MEIS2: variants seen among roughly 807,000 people sequenced by gnomAD.
MEIS2 encodes the protein homeobox protein Meis2.
Under a neutral mutation model 58.6 loss-of-function variants are expected in MEIS2, and 9 were observed. The observed-to-expected ratio is 0.15, with a 90% CI of 0.09 to 0.27. The LOEUF is 0.27. Among genes scored for constraint, MEIS2 ranks in the 10% least tolerant of loss-of-function variants. The pLI is 1.00. For synonymous variants in MEIS2, 221 were observed against 228.4 expected (o/e 0.97, Z 0.29); for missense variants, 427 against 635.0 (o/e 0.67, Z 3.52).
intron 9 of MEIS2, among the ~76,000 whole-genome samples, chr15:36,937,532 T>C (rs141141845): frequency 2.0e-5 from 3 of 152,326 alleles, no homozygotes; most frequent in African/African-American, 7.2e-5. Flanking sequence ...TTTTATAAGA[T>C]GGTATTTCAT....
chr15:36,891,851 A>G lies in MEIS2; in HGVS notation c.*322T>C. On this transcript the variant is annotated 3_prime_UTR_variant, in exon 12 of 12. Coordinates refer to ENST00000561208, the MANE Select transcript of MEIS2 (RefSeq NM_170675.5). ...AGGATATATTTTTTTTTCTCTTCTA[A>G]AACTATTTGAGGCAACATAACGGCG... is the stretch of plus-strand genomic sequence containing the variant. 1 of 357,410 alleles carries G rather than the reference A, an allele frequency of 2.8e-6. No individual in the cohort carries two copies. The highest frequency in any genetic ancestry group is 5.1e-6 in the Non-Finnish European group (1 of 197,956). The allele number at this position is 357,410 out of a possible 1,614,324, so 22.1% of individuals were successfully genotyped here.
chr15:37,066,190 A>T (rs1889901077), intron 7 of MEIS2: 1 of 152,328 alleles, frequency 6.6e-6, no homozygotes, highest in East Asian at 1.9e-4. Context: ...TAAATCACTG[A>T]TTTAAAAAAT....
At chr15:36,992,649 A>G (rs897808325) in intron 8 of MEIS2, among the ~76,000 whole-genome samples, 7 of 152,140 alleles carry the variant, frequency 4.6e-5, no homozygotes, top group African/African-American at 1.4e-4. Flanking sequence ...AAAAGATCTT[A>G]TCTTAAGATA....
chr15:36,993,994 A>G (rs1353452871), intron 8 of MEIS2, among the ~76,000 whole-genome samples: 1 of 152,138 alleles, frequency 6.6e-6, no homozygotes, highest in African/African-American at 2.4e-5. Context: ...AATAAAGCCA[A>G]AGTAATTTTA....
chr15:36,949,556 C>T (rs766059989), intron 9 of MEIS2, among the ~76,000 whole-genome samples: 3 of 151,918 alleles, frequency 2.0e-5, no homozygotes, highest in East Asian at 1.9e-4. Context: ...GCCTGAAATC[C>T]GTGCAAATAC....
intron 8 of MEIS2, among the ~76,000 whole-genome samples, chr15:37,035,625 T>C (rs770335417): frequency 1.3e-5 from 2 of 152,172 alleles, no homozygotes; most frequent in Non-Finnish European, 2.9e-5. Context: ...AGCTGCCTCA[T>C]TGGTTCTCCC....
chr15:36,916,649 T>C lies in MEIS2; in HGVS notation c.978-19963A>G, dbSNP rs572283048. Among the ~76,000 whole-genome samples the C allele has an allele frequency of 2.6e-5, 4 of 152,062 alleles. No individual in the cohort carries two copies. The South Asian group carries it at 8.3e-4, about 32-fold the overall frequency. ...TAGCTTGCTATGTTGCCCAGGCTGATCTCAAACTCCTGGCCTCAAGCAATC... is the reference window on the plus strand; with the variant it reads ...TAGCTTGCTATGTTGCCCAGGCTGACCTCAAACTCCTGGCCTCAAGCAATC... On this transcript the variant is annotated intron_variant, in intron 9 of 11. Coordinates refer to ENST00000561208, the MANE Select transcript of MEIS2 (RefSeq NM_170675.5).
At chr15:37,018,985 C>T (rs1354579064) in intron 8 of MEIS2, among the ~76,000 whole-genome samples, 1 of 152,156 alleles carries the variant, frequency 6.6e-6, no homozygotes, top group East Asian at 1.9e-4. Flanking sequence ...ACTACATTAA[C>T]TCCAGCTTCA....
intron 11 of MEIS2, 146 bp downstream of exon 11, chr15:36,895,005 C>G: frequency 1.1e-6 from 1 of 895,192 alleles, no homozygotes; most frequent in Non-Finnish European, 1.7e-6. Flanking sequence ...AATTTTTTCC[C>G]CCACCCAATG....
At chr15:37,048,212 G>A (rs1032828129) in intron 7 of MEIS2, among the ~76,000 whole-genome samples, 3 of 152,106 alleles carry the variant, frequency 2.0e-5, no homozygotes, top group Non-Finnish European at 4.4e-5. Flanking sequence ...TTCCAAAAAT[G>A]TATTAACTAC....
chr15:37,064,546 C>T (rs2141851098), intron 7 of MEIS2, among the ~76,000 whole-genome samples: 1 of 152,232 alleles, frequency 6.6e-6, no homozygotes, highest in South Asian at 2.1e-4. Context: ...TACATTTAGG[C>T]TAATTTCTTA....
chr15:37,052,068 AC>A (rs2141811289), intron 7 of MEIS2, among the ~76,000 whole-genome samples: 1 of 152,336 alleles, frequency 6.6e-6, no homozygotes, highest in Admixed American at 6.5e-5. Flanking sequence ...TTCAGTCTTA[AC>A]CCATTCCTTC....
chr15:37,052,659 G>T (rs1361950544), intron 7 of MEIS2, among the ~76,000 whole-genome samples: 2 of 152,214 alleles, frequency 1.3e-5, no homozygotes, highest in African/African-American at 2.4e-5. Flanking sequence ...GCACATATTA[G>T]ATAATCGATA....
intron 11 of MEIS2, among the ~76,000 whole-genome samples, chr15:36,893,368 A>G (rs1375989166): frequency 1.3e-5 from 2 of 152,202 alleles, no homozygotes; most frequent in Non-Finnish European, 2.9e-5. Context: ...GTAAGCTGGT[A>G]ATCTAAAGGC....
At chr15:37,066,288 G>T (rs576958103) in intron 7 of MEIS2, 1 of 152,174 alleles carries the variant, frequency 6.6e-6, no homozygotes, top group Non-Finnish European at 1.5e-5. Context: ...TAATAGAAGC[G>T]TGGCAGCCTT....
intron 8 of MEIS2, among the ~76,000 whole-genome samples, chr15:36,980,175 A>G (rs2059887322): frequency 6.6e-6 from 1 of 152,070 alleles, no homozygotes; most frequent in Admixed American, 6.6e-5. Context: ...GTTTATTGTG[A>G]ATAATTCCCC....
chr15:37,054,283 G>A (rs1289848228), intron 7 of MEIS2, among the ~76,000 whole-genome samples: 4 of 152,154 alleles, frequency 2.6e-5, no homozygotes, highest in African/African-American at 9.7e-5. Flanking sequence ...TTGACCAGAT[G>A]AAAAAGATAA....
At chr15:37,057,397 C>T (rs996632438) in intron 7 of MEIS2, among the ~76,000 whole-genome samples, 5 of 152,168 alleles carry the variant, frequency 3.3e-5, no homozygotes, top group African/African-American at 1.2e-4. Flanking sequence ...ATTAGCTGAT[C>T]GTTGCTTTTG....
chr15:36,905,034 TTGTG>T (rs71126242), intron 9 of MEIS2, among the ~76,000 whole-genome samples: 3 of 151,150 alleles, frequency 2.0e-5, no homozygotes, highest in South Asian at 2.1e-4. Context: ...TGTATGTGTA[TTGTG>T]TGTGTGTGTG....
Sources: allele counts gnomAD v4.1 joint callset (sites outside exome capture counted in the v4.1 genomes callset), GRCh38; gene constraint gnomAD v4.1.1; transcripts MANE v1.5; gene names NCBI Gene and HGNC (gene_info 2026-07-23, HGNC 2026-07-21).